CFDP1: variants seen among roughly 807,000 people sequenced by gnomAD.
CFDP1 encodes chromatin remodeling protein CFDP1.
In CFDP1, 31 loss-of-function variants were observed where a neutral mutation model predicts 40.1. The ratio of observed to expected loss-of-function variants is 0.77; its 90% CI spans 0.58 to 1.04. CFDP1 has a LOEUF of 1.04. CFDP1 is among the 50% of genes least tolerant of loss of function. CFDP1 has a pLI of 0.00. For synonymous variants in CFDP1, 167 were observed against 120.0 expected, an observed-to-expected ratio of 1.39 and a Z score of -2.56; for missense variants, 423 against 343.4, an observed-to-expected ratio of 1.23 and a Z score of -1.83.
rs1030599735 is a variant in CFDP1 at position 75,347,678 on chromosome 16, C to CA, written c.651-42497dup. Among the ~76,000 whole-genome samples, 132 of 148,972 alleles carry CA rather than the reference C, an allele frequency of 8.9e-4. 1 individual carries two copies. Among genetic ancestry groups the CA allele is most frequent in the African/African-American group, 2.6e-3 (104 of 40,602 alleles). On this transcript the variant is annotated intron_variant, in intron 5 of 6. Coordinates refer to ENST00000283882, the MANE Select transcript of CFDP1 (RefSeq NM_006324.3). ...TGGGTGAAAGAGCGAGACTCCGTCT[C>CA]AAAAAAAAAGGAAGAACAAAGCAAT...
At chr16:75,353,491 G>A (rs928893697) in intron 5 of CFDP1, among the ~76,000 whole-genome samples, 1 of 152,078 alleles carries the variant, frequency 6.6e-6, no homozygotes, top group Admixed American at 6.6e-5. Flanking sequence ...GGCTGGGGGC[G>A]GTGGCTCACG....
At chr16:75,368,034 G>A (rs568923679) in intron 5 of CFDP1, among the ~76,000 whole-genome samples, 14 of 152,238 alleles carry the variant, frequency 9.2e-5, no homozygotes, top group Non-Finnish European at 1.9e-4. Flanking sequence ...AACACGGGAG[G>A]CAGAGGTTGC....
At chr16:75,429,631 C>T (rs572708496) in intron 1 of CFDP1, among the ~76,000 whole-genome samples, 7 of 152,198 alleles carry the variant, frequency 4.6e-5, no homozygotes, top group African/African-American at 1.4e-4. Context: ...CCAGCCTGGG[C>T]GACAAGAGCA....
chr16:75,428,719 G>A (rs573919604), intron 1 of CFDP1, among the ~76,000 whole-genome samples: 138 of 151,216 alleles, frequency 9.1e-4, no homozygotes, highest in African/African-American at 3.0e-3. Flanking sequence ...AGGAAAGAAA[G>A]GAAAAGGAAA....
intron 5 of CFDP1, among the ~76,000 whole-genome samples, chr16:75,370,236 G>A (rs968947826): frequency 6.6e-6 from 1 of 151,740 alleles, no homozygotes; most frequent in Non-Finnish European, 1.5e-5. Flanking sequence ...GGGATTACAG[G>A]TGCCTGCCAC....
At chr16:75,376,875 C>G (rs553777940) in intron 5 of CFDP1, among the ~76,000 whole-genome samples, 1 of 152,336 alleles carries the variant, frequency 6.6e-6, no homozygotes, top group South Asian at 2.1e-4. Flanking sequence ...AGTTATTACC[C>G]TTTTCCTAGA....
chr16:75,303,400 A>ATGAATGTATGTATGTATGT lies in CFDP1; in HGVS notation c.809+1623_809+1624insACATACATACATACATTCA, dbSNP rs1555552218. On this transcript the variant is annotated intron_variant, in intron 6 of 6. Transcript: ENST00000283882. The stretch of plus-strand genomic sequence containing the variant: ...AAATAAATAAATAAATAAATAAATA[A>ATGAATGTATGTATGTATGT]ATGTATGTATGTATGTATGTATGTA... Among the ~76,000 whole-genome samples the ATGAATGTATGTATGTATGT allele has an allele frequency of 7.5e-3, 1,102 of 146,240 alleles. 17 individuals are homozygous for ATGAATGTATGTATGTATGT. Among genetic ancestry groups the ATGAATGTATGTATGTATGT allele is most frequent in the East Asian group, 0.03 (150 of 5,028 alleles).
intron 5 of CFDP1, among the ~76,000 whole-genome samples, chr16:75,326,971 T>C (rs200116600): frequency 1.3e-5 from 2 of 152,146 alleles, no homozygotes; most frequent in East Asian, 3.9e-4. Context: ...GAGGATGAGT[T>C]CTATCAAAAC....
chr16:75,433,244 G>C (rs1215867477), intron 1 of CFDP1, 45 bp downstream of exon 1: 16 of 1,547,962 alleles, frequency 1.0e-5, no homozygotes, highest in Non-Finnish European at 1.4e-5. Flanking sequence ...CACGTGAGGC[G>C]TGGGGCGGGG....
At chr16:75,311,672 C>A (rs1323974394) in intron 5 of CFDP1, among the ~76,000 whole-genome samples, 2 of 152,028 alleles carry the variant, frequency 1.3e-5, no homozygotes, top group Non-Finnish European at 2.9e-5. Flanking sequence ...TGCATAATCA[C>A]TAAAATGCAA....
rs1004074096 is a variant in CFDP1, at chr16:75,355,852, G to A, written c.650+39238C>T. On this transcript the variant is annotated intron_variant, in intron 5 of 6. Coordinates refer to ENST00000283882, the MANE Select transcript of CFDP1 (RefSeq NM_006324.3). ...GAGGCTTCCCCAGCTATGCGGAACT[G>A]AGAGTCAATTAAATCTCTTTTCTTT... Among the ~76,000 whole-genome samples the A allele has an allele frequency of 3.8e-4, 58 of 152,192 alleles. 1 individual carries two copies. The highest frequency in any genetic ancestry group is 3.1e-3 in the Admixed American group (48 of 15,282).
intron 6 of CFDP1, among the ~76,000 whole-genome samples, 169 bp from the exon 7 acceptor site, chr16:75,294,211 T>C (rs2078165848): frequency 1.3e-5 from 2 of 152,258 alleles, no homozygotes; most frequent in Non-Finnish European, 2.9e-5. Context: ...TAAACAAGGA[T>C]GGTGAAAATA....
chr16:75,371,412 A>G (rs2078750399), intron 5 of CFDP1, among the ~76,000 whole-genome samples: 1 of 152,248 alleles, frequency 6.6e-6, no homozygotes, highest in Non-Finnish European at 1.5e-5. Flanking sequence ...AACTGTGGAG[A>G]TTAAAATAGT....
chr16:75,308,726 G>A (rs1261089940), intron 5 of CFDP1, among the ~76,000 whole-genome samples: 3 of 152,040 alleles, frequency 2.0e-5, no homozygotes, highest in Non-Finnish European at 4.4e-5. Context: ...ATTTAATTTG[G>A]GCAGCACCAC....
intron 5 of CFDP1, among the ~76,000 whole-genome samples, chr16:75,353,635 G>C (rs3851738): frequency 0.52 from 77,914 of 150,742 alleles, 21,201 homozygotes; most frequent in Admixed American, 0.64. Context: ...TATAGTCCCA[G>C]CTACTCAGGA....
chr16:75,431,056 GCAATTATTAGCAC>G, intron 1 of CFDP1, among the ~76,000 whole-genome samples: 1 of 152,194 alleles, frequency 6.6e-6, no homozygotes. Context: ...ACAAAAAATG[GCAATTATTAGCAC>G]CAGAGAAAAC....
intron 5 of CFDP1, among the ~76,000 whole-genome samples, chr16:75,374,853 G>T (rs1374305969): frequency 1.3e-5 from 2 of 152,004 alleles, no homozygotes; most frequent in African/African-American, 4.8e-5. Flanking sequence ...TCAAAATTTA[G>T]TGTGTATTTA....
chr16:75,367,935 C>T (rs569753519), intron 5 of CFDP1, among the ~76,000 whole-genome samples: 5 of 151,818 alleles, frequency 3.3e-5, no homozygotes, highest in African/African-American at 7.3e-5. Flanking sequence ...TGAAACTCTG[C>T]CTCTACTAAA....
chr16:75,388,919 C>T (rs11149821), intron 5 of CFDP1, among the ~76,000 whole-genome samples: 77,351 of 148,796 alleles, frequency 0.52, 20,854 homozygotes, highest in Admixed American at 0.64. Context: ...AACATTAAGG[C>T]CTTTTTTTTT....
Sources: gnomAD v4.1 joint callset for allele counts (sites outside exome capture counted in the v4.1 genomes callset) on GRCh38, gnomAD v4.1.1 for gene constraint, MANE v1.5 for transcripts, NCBI Gene and HGNC (gene_info 2026-07-23, HGNC 2026-07-21) for gene names.